Variants in SLC35D4 observed in about 807,000 individuals in gnomAD.
SLC35D4 encodes the protein UDP-N-acetylglucosamine transporter SLC35D4.
the SLC35D4 span, chr18:23,437,702 A>T: frequency 1.4e-6 from 2 of 1,442,948 alleles, no homozygotes; most frequent in Non-Finnish European, 1.9e-6. Context: ...AAGCAGGAGG[A>T]GGCTCCGTTT....
At chr18:23,275,418 G>A in the SLC35D4 span, among the ~76,000 whole-genome samples, 41 of 152,136 alleles carry the variant, frequency 2.7e-4, no homozygotes, top group Non-Finnish European at 5.3e-4. Context: ...ACCATGAACC[G>A]TGCCCTCCGG....
chr18:23,362,311 T>A, the SLC35D4 span, among the ~76,000 whole-genome samples: 1 of 152,132 alleles, frequency 6.6e-6, no homozygotes, highest in Admixed American at 6.5e-5. Flanking sequence ...TAGTAAAGTG[T>A]AGGGGGACTG....
At chr18:23,397,181 A>G in the SLC35D4 span, among the ~76,000 whole-genome samples, 2 of 152,192 alleles carry the variant, frequency 1.3e-5, no homozygotes, top group Non-Finnish European at 2.9e-5. Flanking sequence ...CAGAGATCCT[A>G]CATGAATAGG....
At chr18:23,374,580 G>A in the SLC35D4 span, among the ~76,000 whole-genome samples, 2 of 151,584 alleles carry the variant, frequency 1.3e-5, no homozygotes, top group African/African-American at 4.9e-5. Flanking sequence ...CCGCCTCCCG[G>A]GTTCAAGCGA....
the SLC35D4 span, among the ~76,000 whole-genome samples, chr18:23,415,489 T>C: frequency 6.6e-6 from 1 of 152,220 alleles, no homozygotes; most frequent in African/African-American, 2.4e-5. Context: ...TAGGACTGCA[T>C]CTGAAGTCTC....
At chr18:23,437,341 G>A in the SLC35D4 span, among the ~76,000 whole-genome samples, 1 of 152,176 alleles carries the variant, frequency 6.6e-6, no homozygotes, top group East Asian at 1.9e-4. Context: ...CAGTGTGAGG[G>A]GGAGACGGCT....
the SLC35D4 span, among the ~76,000 whole-genome samples, chr18:23,345,248 C>G: frequency 6.6e-6 from 1 of 151,904 alleles, no homozygotes; most frequent in South Asian, 2.1e-4. Flanking sequence ...CTTTGGGAGG[C>G]CGAGGTGGGC....
the SLC35D4 span, among the ~76,000 whole-genome samples, chr18:23,436,463 A>G: frequency 6.6e-6 from 1 of 152,178 alleles, no homozygotes; most frequent in African/African-American, 2.4e-5. Flanking sequence ...GGAAGGCTGC[A>G]TTTATGGACC....
the SLC35D4 span, among the ~76,000 whole-genome samples, chr18:23,411,890 G>A: frequency 1.3e-5 from 2 of 152,172 alleles, no homozygotes; most frequent in East Asian, 1.9e-4. Flanking sequence ...ATTATTGAGA[G>A]AACATCTACT....
the SLC35D4 span, among the ~76,000 whole-genome samples, chr18:23,385,429 A>C: frequency 6.6e-6 from 1 of 152,358 alleles, no homozygotes; most frequent in Non-Finnish European, 1.5e-5. Context: ...AAGCTTTCTT[A>C]GAGGAAGTGA....
chr18:23,354,618 C>T, the SLC35D4 span, among the ~76,000 whole-genome samples: 1 of 152,098 alleles, frequency 6.6e-6, no homozygotes, highest in Non-Finnish European at 1.5e-5. Flanking sequence ...GTGGCTCCCA[C>T]CTCTGCACCC....
At chr18:23,422,967 T>C in the SLC35D4 span, among the ~76,000 whole-genome samples, 1 of 152,162 alleles carries the variant, frequency 6.6e-6, no homozygotes, top group African/African-American at 2.4e-5. Context: ...ACCTCAGAAG[T>C]GACTATGACC....
the SLC35D4 span, among the ~76,000 whole-genome samples, chr18:23,316,742 C>T: frequency 2.6e-5 from 4 of 152,182 alleles, no homozygotes; most frequent in African/African-American, 9.7e-5. Context: ...CAAACTCCTA[C>T]ATCTTATAGA....
the SLC35D4 span, among the ~76,000 whole-genome samples, chr18:23,396,463 A>C: frequency 6.6e-6 from 1 of 152,348 alleles, no homozygotes; most frequent in Admixed American, 6.5e-5. Flanking sequence ...ACTCAGAAAC[A>C]AAGAAAAGAT....
At chr18:23,379,211 C>T in the SLC35D4 span, among the ~76,000 whole-genome samples, 1 of 151,488 alleles carries the variant, frequency 6.6e-6, no homozygotes, top group Non-Finnish European at 1.5e-5. Context: ...GCAACCTCTG[C>T]CTCCTGGGTT....
chr18:23,406,514 C>T, the SLC35D4 span, among the ~76,000 whole-genome samples: 5 of 152,250 alleles, frequency 3.3e-5, no homozygotes, highest in East Asian at 5.8e-4. Context: ...TTATAAGTGA[C>T]TAAAAAAGAA....
At chr18:23,240,002 C>G in the SLC35D4 span, among the ~76,000 whole-genome samples, 3 of 152,176 alleles carry the variant, frequency 2.0e-5, no homozygotes, top group African/African-American at 7.2e-5. Context: ...CCTGTAGTCC[C>G]AGCTACTGGA....
At chr18:23,324,585 C>T in the SLC35D4 span, among the ~76,000 whole-genome samples, 16 of 152,338 alleles carry the variant, frequency 1.1e-4, no homozygotes, top group East Asian at 2.9e-3. Context: ...GCCCTCGCAA[C>T]ACCCCACGCT....
chr18:23,299,308 G>T, the SLC35D4 span, among the ~76,000 whole-genome samples: 2 of 152,132 alleles, frequency 1.3e-5, no homozygotes, highest in Non-Finnish European at 2.9e-5. Flanking sequence ...ACTAAGACAG[G>T]ATTACTATTA....
Sources: allele counts gnomAD v4.1 joint callset (sites outside exome capture counted in the v4.1 genomes callset), GRCh38; gene constraint gnomAD v4.1.1; transcripts MANE v1.5; gene names NCBI Gene and HGNC (gene_info 2026-07-23, HGNC 2026-07-21).